The following KCTD2 variants were observed in gnomAD, a reference collection of about 807,000 sequenced individuals.
The protein encoded by KCTD2 is BTB/POZ domain-containing protein KCTD2.
A neutral mutation model predicts 27.9 loss-of-function variants in KCTD2; 18 were observed. That is an observed-to-expected ratio of 0.64 (90% CI 0.45 to 0.96). The LOEUF (loss-of-function observed/expected upper bound fraction) is 0.96, where lower values mean the gene tolerates loss of function less well. Among genes scored for constraint, KCTD2 ranks in the 40% least tolerant of loss-of-function variants. The pLI, the probability that KCTD2 is intolerant of heterozygous loss-of-function variation, is 0.00. For synonymous variants in KCTD2, 175 were observed against 148.4 expected (o/e 1.18, Z -1.30); for missense variants, 280 against 348.0 (o/e 0.80, Z 1.56).
At chr17:75,034,298 C>G (rs1431656640) in intron 2 of KCTD2, among the ~76,000 whole-genome samples, 1 of 152,130 alleles carries the variant, frequency 6.6e-6, no homozygotes, top group Non-Finnish European at 1.5e-5. Flanking sequence ...CGACTGCAAA[C>G]AGAGGGTCCT....
In KCTD2 at chr17:75,065,775, GGGACGAGGCTGTCACT is replaced by G; in HGVS notation, c.*2731_*2746del. 6.6e-6 allele frequency: 1 copy of G among 152,414 alleles called. No homozygotes were observed. The highest frequency in any genetic ancestry group is 3.4e-3 in the Middle Eastern group (1 of 292). 9.4% of individuals were successfully genotyped at this position (152,414 alleles called of 1,614,324 possible). A position where few individuals can be genotyped will look rare whatever the true frequency, so the allele number is the denominator to read the frequency against. On this transcript the variant is annotated 3_prime_UTR_variant, in exon 6 of 6. Transcript: ENST00000322444. ...CAGCGTGGCCTTTGATCCAGACTTAGGGACGAGGCTGTCACTGGTGGGCACCCTCTGTTCCTGTTTG... is the reference window on the plus strand; with the variant it reads ...CAGCGTGGCCTTTGATCCAGACTTAGGGTGGGCACCCTCTGTTCCTGTTTG...
chr17:75,033,407 T>C (rs1173322094), intron 1 of KCTD2, among the ~76,000 whole-genome samples: 1 of 152,142 alleles, frequency 6.6e-6, no homozygotes, highest in Non-Finnish European at 1.5e-5. Context: ...CTAGTATATA[T>C]ATATTTCTAC....
intron 3 of KCTD2, chr17:75,041,320 A>C (rs1598687210): frequency 6.7e-6 from 1 of 148,240 alleles, no homozygotes; most frequent in Non-Finnish European, 1.5e-5. Flanking sequence ...GCGCCACTGC[A>C]CTCCAACCTG....
intron 4 of KCTD2, 118 bp from the exon 5 acceptor site, chr17:75,062,002 A>G: frequency 8.6e-7 from 1 of 1,157,230 alleles, no homozygotes; most frequent in Non-Finnish European, 1.3e-6. Context: ...GAACTCATAT[A>G]AAGAGTTAAA....
chr17:75,057,574 C>T (rs78799857), intron 3 of KCTD2, among the ~76,000 whole-genome samples: 1,640 of 90,812 alleles, frequency 0.018, 29 homozygotes, highest in African/African-American at 0.052. Flanking sequence ...TTTTTTTTTT[C>T]CTCGAGGCAG....
At chr17:75,044,578 G>A (rs1480740157), upstream of KCTD2, among the ~76,000 whole-genome samples, 2 of 150,718 alleles carry the variant, frequency 1.3e-5, no homozygotes, top group Admixed American at 6.6e-5. Context: ...CAGACCTCAG[G>A]TGATCCACCC....
intron 1 of KCTD2, among the ~76,000 whole-genome samples, chr17:75,033,830 G>A (rs903538992): frequency 1.3e-5 from 2 of 152,208 alleles, no homozygotes; most frequent in African/African-American, 4.8e-5. Flanking sequence ...CATGGATCGC[G>A]CCTCTGTCAG....
chr17:75,058,308 C>T (rs2073369317), intron 3 of KCTD2, among the ~76,000 whole-genome samples: 1 of 146,524 alleles, frequency 6.8e-6, no homozygotes, highest in Admixed American at 6.9e-5. Flanking sequence ...GCCTGGGCGA[C>T]AGAGCGAGAC....
chr17:75,033,685 G>A (rs543790036), intron 1 of KCTD2, among the ~76,000 whole-genome samples: 1 of 152,276 alleles, frequency 6.6e-6, no homozygotes, highest in Admixed American at 6.5e-5. Context: ...CGGACCCTCG[G>A]GGCTCCATGG....
At position 75,047,273 on chromosome 17, in the gene KCTD2, C is replaced by A; in HGVS notation, c.23C>A (p.Pro8Gln). 1.1e-6 allele frequency: 1 copy of A among 896,442 alleles called. No individual in the cohort carries two copies. The allele number at this position is 896,442 out of a possible 1,614,324, so 55.5% of individuals were successfully genotyped here. MAELQLD[P>Q]AMAGLGGGGG... ...AAGATGGCGGAACTGCAGCTGGACC[C>A]GGCGATGGCGGGGCTGGGAGGGGGC... The change falls in exon 1 of 6, where the codon CCG becomes CAG. Residue 8 changes from proline to glutamine, a missense_variant. By Grantham distance (76) the Pro-to-Gln change is moderately conservative. Coordinates refer to ENST00000322444, the MANE Select transcript of KCTD2 (RefSeq NM_015353.3).
At chr17:75,033,760 G>A (rs2040085358) in intron 1 of KCTD2, among the ~76,000 whole-genome samples, 1 of 152,218 alleles carries the variant, frequency 6.6e-6, no homozygotes, top group South Asian at 2.1e-4. Context: ...AGGTCCCTGC[G>A]CACCGCGGTA....
chr17:75,061,238 T>C (rs1380858660), intron 4 of KCTD2, among the ~76,000 whole-genome samples: 1 of 152,230 alleles, frequency 6.6e-6, no homozygotes, highest in East Asian at 1.9e-4. Context: ...ATGCCGCCCA[T>C]GTGAGGCCTC....
At chr17:75,035,099 T>A (rs552728914) in intron 2 of KCTD2, 1 of 152,080 alleles carries the variant, frequency 6.6e-6, no homozygotes, top group South Asian at 2.1e-4. Flanking sequence ...CTCTAGGAGG[T>A]AGCTGCAGCC....
upstream of KCTD2, among the ~76,000 whole-genome samples, chr17:75,046,317 C>G (rs1450530792): frequency 6.6e-6 from 1 of 152,160 alleles, no homozygotes; most frequent in Admixed American, 6.5e-5. Context: ...CTCCTGACCT[C>G]GCGATTCGCC....
chr17:75,053,264 AAAG>A (rs1242167927), intron 3 of KCTD2, among the ~76,000 whole-genome samples, 159 bp downstream of exon 3: 3 of 152,192 alleles, frequency 2.0e-5, no homozygotes, highest in African/African-American at 7.2e-5. Flanking sequence ...GCACAGGAGA[AAAG>A]AAGAAACCAC....
chr17:75,053,902 T>A (rs1266584499), intron 3 of KCTD2, among the ~76,000 whole-genome samples: 1 of 129,510 alleles, frequency 7.7e-6, no homozygotes, highest in Non-Finnish European at 1.6e-5. Flanking sequence ...AGTCTCACTC[T>A]CTCCCCCAGG....
At chr17:75,057,487 T>G (rs1190266573) in intron 3 of KCTD2, among the ~76,000 whole-genome samples, 1 of 152,182 alleles carries the variant, frequency 6.6e-6, no homozygotes, top group Non-Finnish European at 1.5e-5. Context: ...TCAGAGGATT[T>G]GTACTATATG....
intron 3 of KCTD2, among the ~76,000 whole-genome samples, chr17:75,035,668 A>C (rs1019876347): frequency 2.6e-5 from 4 of 152,104 alleles, no homozygotes; most frequent in Non-Finnish European, 4.4e-5. Flanking sequence ...AAATACAAAA[A>C]TACAAAAATT....
intron 3 of KCTD2, among the ~76,000 whole-genome samples, chr17:75,054,751 G>C (rs2144933660): frequency 6.6e-6 from 1 of 151,666 alleles, no homozygotes; most frequent in South Asian, 2.1e-4. Context: ...AGCTTGTAGT[G>C]AGCCAAGATC....
Sources: allele counts gnomAD v4.1 joint callset (sites outside exome capture counted in the v4.1 genomes callset), GRCh38; gene constraint gnomAD v4.1.1; transcripts MANE v1.5; gene names NCBI Gene and HGNC (gene_info 2026-07-23, HGNC 2026-07-21).